The following DYNLT5 variants were observed in gnomAD, a reference collection of about 807,000 sequenced individuals.
The protein encoded by DYNLT5 is dynein light chain Tctex-type 5.
Under a neutral mutation model 19.3 loss-of-function variants are expected in DYNLT5, and 25 were observed. The observed-to-expected ratio is 1.30, with a 90% confidence interval of 0.95 to 1.81. DYNLT5 has a LOEUF of 1.81. Ranked by LOEUF, DYNLT5 falls within the 40% of genes most tolerant of loss-of-function variation. The pLI is 0.00. For missense variants in DYNLT5, 232 were observed against 217.9 expected, an observed-to-expected ratio of 1.06 and a Z score of -0.41; for synonymous variants, 82 against 68.9, an observed-to-expected ratio of 1.19 and a Z score of -0.94.
intron 3 of DYNLT5, among the ~76,000 whole-genome samples, chr1:66,774,087 T>TA (rs1416844298): frequency 6.6e-6 from 1 of 152,170 alleles, no homozygotes; most frequent in African/African-American, 2.4e-5. Context: ...GGTAGCACTG[T>TA]ACAACGGGAA....
chr1:66,752,680 C>G lies in DYNLT5; in HGVS notation c.-4+96C>G, dbSNP rs910839383. ...GTTGAGAAATGGCCCTACTTGGCCC[C>G]GATCTCTCCGCCACCTTATTCCTCC... is the stretch of plus-strand genomic sequence containing the variant. On this transcript the variant is annotated intron_variant, in intron 1 of 4. Coordinates refer to ENST00000282670, the MANE Select transcript of DYNLT5 (RefSeq NM_152665.3). 3.7e-5 allele frequency: 28 copies of G among 747,912 alleles called. No individual in the cohort carries two copies. In the African/African-American group the frequency reaches 4.5e-4, roughly 12 times the overall value. 46.3% of individuals were successfully genotyped at this position (747,912 alleles called of 1,614,324 possible). A position where few individuals can be genotyped will look rare whatever the true frequency, so the allele number is the denominator to read the frequency against.
chr1:66,757,826 A>G (rs112731745), intron 2 of DYNLT5, among the ~76,000 whole-genome samples: 4 of 152,208 alleles, frequency 2.6e-5, no homozygotes, highest in African/African-American at 9.6e-5. Context: ...GCATGTAAAA[A>G]TAACAAGAAA....
At chr1:66,756,257 CT>C (rs1011003070) in intron 2 of DYNLT5, among the ~76,000 whole-genome samples, 2 of 152,132 alleles carry the variant, frequency 1.3e-5, no homozygotes, top group Non-Finnish European at 2.9e-5. Context: ...TCTATTTGTA[CT>C]TTTTTTCTTA....
intron 2 of DYNLT5, among the ~76,000 whole-genome samples, chr1:66,767,418 A>G (rs2150864886): frequency 6.6e-6 from 1 of 152,178 alleles, no homozygotes; most frequent in East Asian, 1.9e-4. Context: ...ATGCCCAGCT[A>G]ATTTTTTAAA....
intron 2 of DYNLT5, among the ~76,000 whole-genome samples, chr1:66,765,455 A>G (rs142507421): frequency 0.015 from 2,297 of 152,286 alleles, 39 homozygotes; most frequent in Middle Eastern, 0.034. Flanking sequence ...ATTAGATGCT[A>G]TTGTGGCTGA....
At chr1:66,770,005 G>A (rs1056300387) in intron 2 of DYNLT5, among the ~76,000 whole-genome samples, 13 of 152,110 alleles carry the variant, frequency 8.5e-5, no homozygotes, top group African/African-American at 3.1e-4. Flanking sequence ...CCCCAGCCCT[G>A]TTTGTGAGCT....
At position 66,766,155 on chromosome 1, in the gene DYNLT5, T is replaced by C. The variant is rs866847030; in HGVS notation, c.120-4232T>C. On this transcript the variant is annotated intron_variant, in intron 2 of 4. Coordinates refer to ENST00000282670, the MANE Select transcript of DYNLT5 (RefSeq NM_152665.3). Reference sequence around the variant, plus strand: ...TCTGGGACACGTTTTGCCAATTGAATTTTTTTCTCCATAAATGCCAGCAAG... The same window carrying C: ...TCTGGGACACGTTTTGCCAATTGAACTTTTTTCTCCATAAATGCCAGCAAG... Among the ~76,000 whole-genome samples, 6 of 152,194 alleles carry C rather than the reference T, an allele frequency of 3.9e-5. No individual in the cohort carries two copies. The South Asian group carries it at 1.2e-3, about 31-fold the overall frequency.
intron 1 of DYNLT5, among the ~76,000 whole-genome samples, chr1:66,752,803 C>T (rs1454509866): frequency 1.3e-5 from 2 of 152,224 alleles, no homozygotes; most frequent in Non-Finnish European, 2.9e-5. Flanking sequence ...GGGGGCTGGG[C>T]TTCAAGAGTG....
At chr1:66,756,046 T>A (rs1220890716) in intron 2 of DYNLT5, among the ~76,000 whole-genome samples, 1 of 152,182 alleles carries the variant, frequency 6.6e-6, no homozygotes, top group Non-Finnish European at 1.5e-5. Flanking sequence ...ATTTGTCATA[T>A]AGAATCAGAG....
intron 2 of DYNLT5, among the ~76,000 whole-genome samples, chr1:66,755,481 A>G (rs1239252490): frequency 6.6e-6 from 1 of 152,220 alleles, no homozygotes; most frequent in Non-Finnish European, 1.5e-5. Context: ...TTATCGACGT[A>G]GCAGTCAATT....
chr1:66,776,485 G>A, intron 4 of DYNLT5, 82 bp downstream of exon 4: 1 of 1,481,238 alleles, frequency 6.8e-7, no homozygotes. Context: ...TTTTTGATGA[G>A]GGGAATTAAT....
At chr1:66,771,737 A>T (rs1645205387) in intron 3 of DYNLT5, among the ~76,000 whole-genome samples, 1 of 152,176 alleles carries the variant, frequency 6.6e-6, no homozygotes, top group African/African-American at 2.4e-5. Context: ...GTTCTTAGCC[A>T]TGGGGTGTCT....
chr1:66,769,164 C>G (rs1645186867), intron 2 of DYNLT5, among the ~76,000 whole-genome samples: 1 of 152,066 alleles, frequency 6.6e-6, no homozygotes, highest in Non-Finnish European at 1.5e-5. Context: ...GTTGCTACTT[C>G]AAAGGGCAGC....
At chr1:66,766,493 A>T (rs2094655532) in intron 2 of DYNLT5, among the ~76,000 whole-genome samples, 1 of 152,230 alleles carries the variant, frequency 6.6e-6, no homozygotes, top group Non-Finnish European at 1.5e-5. Flanking sequence ...AGGTTTTTCT[A>T]AACCAGTATT....
At chr1:66,769,074 T>C (rs182891937) in intron 2 of DYNLT5, among the ~76,000 whole-genome samples, 1 of 152,312 alleles carries the variant, frequency 6.6e-6, no homozygotes, top group East Asian at 1.9e-4. Flanking sequence ...GGGGTTTATG[T>C]AACATTGGGT....
chr1:66,770,423 T>C lies in DYNLT5; in HGVS notation c.156T>C (p.Ser52=), dbSNP rs112978959. The stretch of plus-strand genomic sequence containing the variant: ...CTGTGTCTTATATGGAAGAACCCAG[T>C]CAGCGTGATGATATCTCTCGCCTTA... ...MSTVSYMEEP[S]QRDDISRLTV... The change falls in exon 3 of 5, where the codon AGT becomes AGC. Residue 52 remains serine (S), a synonymous_variant. Transcript: ENST00000282670. 1.2e-6 allele frequency: 2 copies of C among 1,613,650 alleles called. No individual in the cohort carries two copies. The highest frequency in any genetic ancestry group is 1.7e-4 in the Middle Eastern group (1 of 6,056).
chr1:66,769,562 C>T (rs12727390), intron 2 of DYNLT5, among the ~76,000 whole-genome samples: 18,181 of 151,958 alleles, frequency 0.12, 1,158 homozygotes, highest in South Asian at 0.16. Flanking sequence ...CACACACATG[C>T]TATTATATCC....
rs547437164 is a variant in DYNLT5, at chr1:66,778,931, G to A, written c.*1477G>A. Reference sequence around the variant, plus strand: ...GATTACACGTATAACAAGTAAATGAGCTTCATATTTTCATTACACATTGGT... The same window carrying A: ...GATTACACGTATAACAAGTAAATGAACTTCATATTTTCATTACACATTGGT... On this transcript the variant is annotated 3_prime_UTR_variant, in exon 5 of 5. Transcript: ENST00000282670. The A allele has an allele frequency of 6.6e-6, 1 of 152,112 alleles. No homozygotes were observed. The highest frequency in any genetic ancestry group is 1.5e-5 in the Non-Finnish European group (1 of 68,016). The allele number at this position is 152,112 out of a possible 1,614,324, so 9.4% of individuals were successfully genotyped here. A position where few individuals can be genotyped will look rare whatever the true frequency, so the allele number is the denominator to read the frequency against.
chr1:66,775,067 A>G (rs2150869020), intron 3 of DYNLT5: 1 of 152,382 alleles, frequency 6.6e-6, no homozygotes, highest in East Asian at 1.9e-4. Context: ...ATGTCATGCA[A>G]TGACATTAGT....
Sources: gnomAD v4.1 joint callset for allele counts (sites outside exome capture counted in the v4.1 genomes callset) on GRCh38, gnomAD v4.1.1 for gene constraint, MANE v1.5 for transcripts, NCBI Gene and HGNC (gene_info 2026-07-23, HGNC 2026-07-21) for gene names.